The following PREX1 variants were observed in gnomAD, a reference collection of about 807,000 sequenced individuals.
PREX1 encodes the protein phosphatidylinositol 3,4,5-trisphosphate-dependent Rac exchanger 1 protein.
PREX1 carries 41 observed loss-of-function variants against 198.3 expected under a neutral mutation model. That is an observed-to-expected ratio of 0.21 (90% CI 0.16 to 0.27). The LOEUF is 0.27. Ranked by LOEUF, PREX1 falls within the 10% of genes least tolerant of loss-of-function variation. The pLI, the probability that PREX1 is intolerant of heterozygous loss-of-function variation, is 1.00. For missense variants in PREX1, 1,620 were observed against 2,200.7 expected (o/e 0.74, Z 5.28); for synonymous variants, 843 against 887.2 (o/e 0.95, Z 0.89).
chr20:48,716,393 A>G (rs2089962738), intron 5 of PREX1, among the ~76,000 whole-genome samples: 1 of 152,196 alleles, frequency 6.6e-6, no homozygotes, highest in African/African-American at 2.4e-5. Flanking sequence ...ATCAGCTCCC[A>G]GCATGGCCGT....
chr20:48,807,469 A>G (rs2123032015), intron 1 of PREX1, among the ~76,000 whole-genome samples: 1 of 152,278 alleles, frequency 6.6e-6, no homozygotes, highest in East Asian at 1.9e-4. Context: ...AACCATCCTA[A>G]TGAGACTTTT....
chr20:48,720,605 C>T (rs1383178743), intron 5 of PREX1, among the ~76,000 whole-genome samples: 1 of 152,134 alleles, frequency 6.6e-6, no homozygotes, highest in Non-Finnish European at 1.5e-5. Flanking sequence ...CCCCTTCCCC[C>T]TCCACCCATC....
intron 14 of PREX1, 76 bp downstream of exon 14, chr20:48,676,117 C>A (rs2089707135): frequency 6.3e-6 from 9 of 1,436,850 alleles, no homozygotes; most frequent in South Asian, 4.6e-5. Context: ...AAGAAAAAAT[C>A]TTTAAACAAA....
At chr20:48,724,689 T>C (rs190848510) in intron 5 of PREX1, among the ~76,000 whole-genome samples, 3 of 152,392 alleles carry the variant, frequency 2.0e-5, no homozygotes, top group Admixed American at 2.0e-4. Context: ...ATGGGCTATA[T>C]TTGGCCCAGA....
the PREX1 span, among the ~76,000 whole-genome samples, chr20:48,885,791 AAAG>A: frequency 3.9e-5 from 6 of 152,210 alleles, no homozygotes; most frequent in Non-Finnish European, 5.9e-5. Context: ...TTACTAAGCA[AAAG>A]AAGTCTTTCA....
At chr20:48,774,131 G>A (rs1267111398) in intron 1 of PREX1, among the ~76,000 whole-genome samples, 1 of 152,248 alleles carries the variant, frequency 6.6e-6, no homozygotes. Context: ...GGCGGGTAGA[G>A]AGTTCAATCT....
chr20:48,807,203 C>A (rs1478558171), intron 1 of PREX1, among the ~76,000 whole-genome samples: 1 of 152,124 alleles, frequency 6.6e-6, no homozygotes, highest in Non-Finnish European at 1.5e-5. Context: ...TTTCTACACT[C>A]CCCCCCATTC....
At chr20:48,790,398 G>A (rs116825254) in intron 1 of PREX1, among the ~76,000 whole-genome samples, 1,584 of 152,130 alleles carry the variant, frequency 0.01, 26 homozygotes, top group African/African-American at 0.035. Context: ...AGGAAACAGA[G>A]GAACAAAAGG....
chr20:48,838,993 CAAAAAAAAAAAAAAA>C, the PREX1 span, among the ~76,000 whole-genome samples: 1 of 23,036 alleles, frequency 4.3e-5, no homozygotes, highest in Non-Finnish European at 8.8e-5. Flanking sequence ...GACTCTGTCT[CAAAAAAAAAAAAAAA>C]AAAAAAAAAA....
intron 7 of PREX1, among the ~76,000 whole-genome samples, chr20:48,694,014 C>A (rs775460749): frequency 2.4e-4 from 37 of 152,200 alleles, no homozygotes; most frequent in Admixed American, 5.2e-4. Context: ...CAGGTTCAAG[C>A]GATTCTCCTG....
chr20:48,642,598 G>A, intron 27 of PREX1, 109 bp from the exon 28 acceptor site: 1 of 972,968 alleles, frequency 1.0e-6, no homozygotes, highest in Non-Finnish European at 1.5e-6. Context: ...AACCCACAAG[G>A]GATGTGGAGT....
chr20:48,871,585 C>A, the PREX1 span, among the ~76,000 whole-genome samples: 1 of 10,854 alleles, frequency 9.2e-5, no homozygotes, highest in Non-Finnish European at 1.7e-4. Context: ...AAAAAAAAAA[C>A]CATATTTACT....
intron 10 of PREX1, among the ~76,000 whole-genome samples, chr20:48,686,310 C>G (rs1213816044): frequency 6.6e-6 from 1 of 152,130 alleles, no homozygotes; most frequent in Non-Finnish European, 1.5e-5. Context: ...GATCACACAC[C>G]CTACGGCTGT....
At chr20:48,767,346 G>A (rs1195200962) in intron 1 of PREX1, among the ~76,000 whole-genome samples, 1 of 152,124 alleles carries the variant, frequency 6.6e-6, no homozygotes, top group African/African-American at 2.4e-5. Flanking sequence ...CCCCGAGGAG[G>A]GAGGGGAGAT....
At chr20:48,785,570 C>T (rs1414716423) in intron 1 of PREX1, among the ~76,000 whole-genome samples, 1 of 152,234 alleles carries the variant, frequency 6.6e-6, no homozygotes, top group Non-Finnish European at 1.5e-5. Flanking sequence ...GATAGCAGAG[C>T]GGCCAGCCAG....
Position 48,827,214 on chromosome 20 carries a change from G to T in PREX1, c.219+428C>A, listed in dbSNP as rs1447916387. ...CTCCATCAACGCGCAGGGACGTTGG[G>T]CTCTGGGGCTCCTACGGTATGTCCT... On this transcript the variant is annotated intron_variant, in intron 1 of 39. Coordinates refer to ENST00000371941, the MANE Select transcript of PREX1 (RefSeq NM_020820.4). The surrounding 1 kb of genome is among the most constrained non-coding windows in gnomAD (Gnocchi z 4.1). Among the ~76,000 whole-genome samples, 1 of 152,232 alleles carries T rather than the reference G, an allele frequency of 6.6e-6. No homozygotes were observed. The highest frequency in any genetic ancestry group is 2.1e-4 in the South Asian group (1 of 4,828).
chr20:48,715,136 G>GT (rs1379298199), intron 5 of PREX1, among the ~76,000 whole-genome samples: 1 of 152,224 alleles, frequency 6.6e-6, no homozygotes, highest in African/African-American at 2.4e-5. Flanking sequence ...AACTTCCAGG[G>GT]TTTGGCCCAG....
chr20:48,821,433 G>A (rs750055765), intron 1 of PREX1, among the ~76,000 whole-genome samples: 2 of 152,160 alleles, frequency 1.3e-5, no homozygotes, highest in Non-Finnish European at 2.9e-5. Flanking sequence ...TCTCCGAAAC[G>A]CAGGGCAGGA....
chr20:48,672,516 C>A (rs376340642), intron 14 of PREX1, among the ~76,000 whole-genome samples: 4 of 152,262 alleles, frequency 2.6e-5, no homozygotes, highest in Non-Finnish European at 5.9e-5. Context: ...TCCTGTACTC[C>A]GAGCCGGGCA....
Sources: allele counts gnomAD v4.1 joint callset (sites outside exome capture counted in the v4.1 genomes callset), GRCh38; gene constraint gnomAD v4.1.1; non-coding constraint Gnocchi (gnomAD v3.1); transcripts MANE v1.5; gene names NCBI Gene and HGNC (gene_info 2026-07-23, HGNC 2026-07-21).